The following GPATCH2 variants were observed in gnomAD, a reference collection of about 807,000 sequenced individuals.
The protein encoded by GPATCH2 is G patch domain-containing protein 2.
A neutral mutation model predicts 58.0 loss-of-function variants in GPATCH2; 51 were observed. That is an observed-to-expected ratio of 0.88 (90% CI 0.70 to 1.11). The LOEUF is 1.11. Ranked by LOEUF, GPATCH2 falls within the 50% of genes most tolerant of loss-of-function variation. The pLI is 0.00. For missense variants in GPATCH2, 625 were observed against 652.2 expected (o/e 0.96, Z 0.45); for synonymous variants, 222 against 218.5 (o/e 1.02, Z -0.14).
intron 5 of GPATCH2, among the ~76,000 whole-genome samples, chr1:217,554,917 C>CT (rs1252835969): frequency 6.6e-6 from 1 of 152,136 alleles, no homozygotes; most frequent in East Asian, 1.9e-4. Context: ...TTTTTGAGAG[C>CT]TTTTGCCTGT....
intron 5 of GPATCH2, among the ~76,000 whole-genome samples, chr1:217,554,524 C>A (rs1241871888): frequency 2.0e-5 from 3 of 152,152 alleles, no homozygotes; most frequent in Non-Finnish European, 1.5e-5. Context: ...AAAACTGCCA[C>A]AATTTGAACA....
chr1:217,544,730 C>A (rs1158053495), intron 5 of GPATCH2, among the ~76,000 whole-genome samples: 2 of 152,208 alleles, frequency 1.3e-5, no homozygotes, highest in Admixed American at 1.3e-4. Flanking sequence ...GTTCTCAAGT[C>A]CATTCAAACC....
chr1:217,433,744 T>C (rs1452835478), intron 9 of GPATCH2, among the ~76,000 whole-genome samples: 1 of 152,076 alleles, frequency 6.6e-6, no homozygotes, highest in African/African-American at 2.4e-5. Context: ...TATTTCACAG[T>C]AAAAAATAAA....
chr1:217,511,325 C>G (rs1662840569), intron 6 of GPATCH2, among the ~76,000 whole-genome samples: 1 of 151,756 alleles, frequency 6.6e-6, no homozygotes, highest in Admixed American at 6.6e-5. Flanking sequence ...AGAAGAAAGG[C>G]ACTGGGAAAA....
intron 5 of GPATCH2, among the ~76,000 whole-genome samples, chr1:217,588,615 T>C (rs1667448647): frequency 6.6e-6 from 1 of 152,044 alleles, no homozygotes; most frequent in African/African-American, 2.4e-5. Context: ...GAGTAAAAAA[T>C]AAAATAAATA....
intron 6 of GPATCH2, among the ~76,000 whole-genome samples, chr1:217,509,514 G>A (rs1360957790): frequency 6.6e-6 from 1 of 152,148 alleles, no homozygotes; most frequent in African/African-American, 2.4e-5. Context: ...TCTTCTGCGA[G>A]CTAGTCTCTG....
At chr1:217,569,961 T>G (rs891380984) in intron 5 of GPATCH2, among the ~76,000 whole-genome samples, 1 of 151,878 alleles carries the variant, frequency 6.6e-6, no homozygotes, top group East Asian at 1.9e-4. Context: ...ATTTGGAGGG[T>G]TGGTAGGGGT....
At chr1:217,505,097 A>G (rs1032162424) in intron 6 of GPATCH2, among the ~76,000 whole-genome samples, 23 of 152,166 alleles carry the variant, frequency 1.5e-4, no homozygotes, top group African/African-American at 4.6e-4. Context: ...AAAACTGATC[A>G]ACTGTAAAGA....
At chr1:217,570,918 A>G (rs1267957692) in intron 5 of GPATCH2, among the ~76,000 whole-genome samples, 2 of 152,332 alleles carry the variant, frequency 1.3e-5, no homozygotes, top group African/African-American at 4.8e-5. Context: ...TGGCTAGCCA[A>G]GAGTTTAGTT....
At chr1:217,435,376 T>C (rs895318820) in intron 9 of GPATCH2, among the ~76,000 whole-genome samples, 2 of 152,218 alleles carry the variant, frequency 1.3e-5, no homozygotes, top group African/African-American at 4.8e-5. Context: ...ACTTGCATAA[T>C]TGGCTCAAGA....
At position 217,449,253 on chromosome 1, in the gene GPATCH2, A is replaced by G; in HGVS notation, c.1362T>C (p.Thr454=). 6.4e-7 allele frequency: 1 copy of G among 1,562,762 alleles called. No homozygotes were observed. Among genetic ancestry groups the G allele is most frequent in the Non-Finnish European group, 8.8e-7 (1 of 1,134,344 alleles). The change falls in exon 9 of 10, where the codon ACT becomes ACC. Residue 454 remains threonine (T), a synonymous_variant. Transcript: ENST00000366935. ...CTAACCCTGCTTTTGTTTTACCTGC[A>G]GTAGTAGGTCCAGGCAAAGGTGCAG... ...RKAAPLPGPT[T]AGFVGENAQP...
At chr1:217,627,055 TA>T (rs1669501814) in intron 1 of GPATCH2, among the ~76,000 whole-genome samples, 1 of 152,086 alleles carries the variant, frequency 6.6e-6, no homozygotes. Flanking sequence ...ATTTGGTAGC[TA>T]ATTCCAGTTA....
chr1:217,622,366 T>A (rs1669230031), intron 1 of GPATCH2, among the ~76,000 whole-genome samples: 1 of 152,224 alleles, frequency 6.6e-6, no homozygotes, highest in South Asian at 2.1e-4. Flanking sequence ...TTGGTTAATG[T>A]GAATTTGTAT....
chr1:217,587,589 C>T (rs1350059555), intron 5 of GPATCH2, among the ~76,000 whole-genome samples: 2 of 152,118 alleles, frequency 1.3e-5, no homozygotes, highest in Non-Finnish European at 1.5e-5. Context: ...AAGAATAATA[C>T]TCTGTATGAA....
intron 8 of GPATCH2, among the ~76,000 whole-genome samples, chr1:217,460,445 T>G (rs908136406): frequency 2.6e-5 from 4 of 152,216 alleles, no homozygotes; most frequent in Non-Finnish European, 5.9e-5. Flanking sequence ...TCAAGTCTAT[T>G]GATCATGTGG....
chr1:217,474,709 G>A (rs989602231), intron 8 of GPATCH2, among the ~76,000 whole-genome samples: 17 of 152,138 alleles, frequency 1.1e-4, no homozygotes, highest in South Asian at 1.0e-3. Flanking sequence ...CATGAACAGC[G>A]GACCATCTAT....
chr1:217,594,540 G>A (rs1667732015), intron 5 of GPATCH2, among the ~76,000 whole-genome samples: 1 of 152,012 alleles, frequency 6.6e-6, no homozygotes. Context: ...TGTCAAATGA[G>A]TAATTATCTA....
At chr1:217,628,396 T>C (rs1669563237) in intron 1 of GPATCH2, among the ~76,000 whole-genome samples, 1 of 151,954 alleles carries the variant, frequency 6.6e-6, no homozygotes, top group Admixed American at 6.6e-5. Context: ...TAAGAAGCTA[T>C]AACAAATTTA....
At chr1:217,489,443 T>C (rs1029839471) in intron 8 of GPATCH2, among the ~76,000 whole-genome samples, 1 of 152,244 alleles carries the variant, frequency 6.6e-6, no homozygotes, top group Non-Finnish European at 1.5e-5. Flanking sequence ...GGACCTTACA[T>C]TGGACTTTAA....
Sources: allele counts gnomAD v4.1 joint callset (sites outside exome capture counted in the v4.1 genomes callset), GRCh38; gene constraint gnomAD v4.1.1; transcripts MANE v1.5; gene names NCBI Gene and HGNC (gene_info 2026-07-23, HGNC 2026-07-21).